GTF3C4: variants seen among roughly 807,000 people sequenced by gnomAD.
The protein encoded by GTF3C4 is general transcription factor 3C polypeptide 4.
A neutral mutation model predicts 67.5 loss-of-function variants in GTF3C4; 28 were observed. The observed-to-expected ratio is 0.41, with a 90% CI of 0.31 to 0.57. The LOEUF (loss-of-function observed/expected upper bound fraction) is 0.57. Ranked by LOEUF, GTF3C4 falls within the 20% of genes least tolerant of loss-of-function variation. GTF3C4 has a pLI of 0.21. For synonymous variants in GTF3C4, 409 were observed against 393.0 expected (o/e 1.04, Z -0.48); for missense variants, 831 against 1,033.2 (o/e 0.80, Z 2.68).
rs1590135320 is a variant in GTF3C4 at position 132,679,644 on chromosome 9, A to G, written c.2025A>G (p.Lys675=). The change falls in exon 2 of 5, where the codon AAA becomes AAG. Residue 675 remains lysine, a synonymous_variant. Coordinates refer to ENST00000372146, the MANE Select transcript of GTF3C4 (RefSeq NM_012204.4). This position sits in a 1 kb window ranked among gnomAD's most constrained non-coding sequence, Gnocchi z 5.9. ...MEEKLLEIQG[K]IEAVEMHLTR... is the part of the protein sequence containing the mutation. ...AGAAACTCCTGGAAATCCAAGGGAAAATCGAAGCTGTGGAGATGCACTTGA... is the reference window on the plus strand; with the variant it reads ...AGAAACTCCTGGAAATCCAAGGGAAGATCGAAGCTGTGGAGATGCACTTGA... 1 of 1,614,176 alleles carries G rather than the reference A, an allele frequency of 6.2e-7. No homozygotes were observed.
chr9:132,681,966 T>TAAAAAAAAAAAAAA (rs56402111), intron 2 of GTF3C4, among the ~76,000 whole-genome samples: 1 of 114,752 alleles, frequency 8.7e-6, no homozygotes, highest in Non-Finnish European at 1.7e-5. Context: ...CTACATAAAG[T>TAAAAAAAAAAAAAA]AAAAAAAAAA....
At chr9:132,685,998 A>C (rs1836021294) in intron 3 of GTF3C4, among the ~76,000 whole-genome samples, 1 of 152,270 alleles carries the variant, frequency 6.6e-6, no homozygotes, top group South Asian at 2.1e-4. Flanking sequence ...ACAAATGTTC[A>C]CAGGTTCAAT....
At chr9:132,673,907 T>C (rs1835828310) in intron 1 of GTF3C4, among the ~76,000 whole-genome samples, 1 of 152,234 alleles carries the variant, frequency 6.6e-6, no homozygotes, top group African/African-American at 2.4e-5. Context: ...AGAATTGTTT[T>C]TCCCATTGGA....
chr9:132,683,613 G>T lies in GTF3C4; in HGVS notation c.2235G>T (p.Glu745Asp). Residue 745 changes from glutamate (E) to aspartate (D), a missense_variant, in exon 3 of 5, where the codon GAG becomes GAT. Glu to Asp is a conservative substitution (Grantham distance 45). This residue lies in a region of GTF3C4 where 129 missense variants were observed against 213.8 expected (regional missense o/e 0.60). Transcript: ENST00000372146. ...SKKMNKQTFP[E>D]HCSLCKEILP... Reference sequence around the variant, plus strand: ...AGATGAACAAACAGACTTTCCCTGAGCACTGTAGTTTGTGTAAAGAGATCT... The same window carrying T: ...AGATGAACAAACAGACTTTCCCTGATCACTGTAGTTTGTGTAAAGAGATCT... The T allele has an allele frequency of 6.2e-7, 1 of 1,613,302 alleles. No individual in the cohort carries two copies. Among genetic ancestry groups the T allele is most frequent in the Non-Finnish European group, 8.5e-7 (1 of 1,179,624 alleles).
rs1266744744 is a variant in GTF3C4, at chr9:132,670,710, G to T, written c.112G>T (p.Asp38Tyr). 1.3e-6 allele frequency: 2 copies of T among 1,525,526 alleles called. No homozygotes were observed. The highest frequency in any genetic ancestry group is 5.0e-5 in the East Asian group (2 of 39,914). 94.5% of individuals were successfully genotyped at this position (1,525,526 alleles called of 1,614,324 possible). A position where few individuals can be genotyped will look rare whatever the true frequency, so the allele number is the denominator to read the frequency against. Residue 38 changes from aspartate to tyrosine, a missense_variant, in exon 1 of 5, where the codon GAC becomes TAC. Asp to Tyr is a radical substitution (Grantham distance 160, BLOSUM62 -3). This residue lies in a region of GTF3C4 where 237 missense variants were observed against 212.7 expected (regional missense o/e 1.11). Coordinates refer to ENST00000372146, the MANE Select transcript of GTF3C4 (RefSeq NM_012204.4). ...GGCGGGCGGGAAGGAGCCAGCAGCG[G>T]ACGCGGCCCCGGGGCCCAGCGCTGC... is the stretch of plus-strand genomic sequence containing the variant. ...GEAGGKEPAA[D>Y]AAPGPSAAFR... is the part of the protein sequence containing the mutation.
rs879608624 is a variant in GTF3C4, at chr9:132,689,220, CTTATTT to C, written c.*279_*284del. The C allele has an allele frequency of 1.9e-5, 8 of 412,508 alleles. No individual in the cohort carries two copies. The highest frequency in any genetic ancestry group is 4.3e-5 in the East Asian group (1 of 23,048). 25.6% of individuals were successfully genotyped at this position (412,508 alleles called of 1,614,324 possible). ...CTTTGTAACCAATGAGGAACACTTACTTATTTTTAAGTATCTTGACAGAAGCAATTT... is the reference window on the plus strand; with the variant it reads ...CTTTGTAACCAATGAGGAACACTTACTTAAGTATCTTGACAGAAGCAATTT... On this transcript the variant is annotated 3_prime_UTR_variant, in exon 5 of 5. Coordinates refer to ENST00000372146, the MANE Select transcript of GTF3C4 (RefSeq NM_012204.4).
At position 132,679,475 on chromosome 9, in the gene GTF3C4, A is replaced by G; in HGVS notation, c.1856A>G (p.Asp619Gly). ...TCGCCTGGGATGGGCAATGCTGACG[A>G]TGAACAGCAGGAAGAAGGCACTTCT... ...VDSPGMGNAD[D>G]EQQEEGTSSK... The change falls in exon 2 of 5, where the codon GAT becomes GGT. Residue 619 changes from aspartate (D) to glycine (G), a missense_variant. Physicochemically the swap from Asp to Gly is moderately conservative, Grantham distance 94. Coordinates refer to ENST00000372146, the MANE Select transcript of GTF3C4 (RefSeq NM_012204.4). The surrounding 1 kb of genome is among the most constrained non-coding windows in gnomAD (Gnocchi z 5.9). The G allele has an allele frequency of 6.2e-7, 1 of 1,614,134 alleles. No homozygotes were observed. Among genetic ancestry groups the G allele is most frequent in the Non-Finnish European group, 8.5e-7 (1 of 1,180,020 alleles).
upstream of GTF3C4, chr9:132,670,365 A>AG: frequency 7.6e-7 from 1 of 1,312,318 alleles, no homozygotes; most frequent in East Asian, 2.9e-5. Flanking sequence ...GGCAGGGAAA[A>AG]GGGGGTCCTC....
intron 2 of GTF3C4, among the ~76,000 whole-genome samples, chr9:132,680,709 G>T (rs1835928152): frequency 6.6e-6 from 1 of 152,240 alleles, no homozygotes; most frequent in Admixed American, 6.5e-5. Context: ...GAATGTGTAT[G>T]TTTGTGTACA....
intron 1 of GTF3C4, among the ~76,000 whole-genome samples, chr9:132,673,353 C>G (rs1487138393): frequency 6.6e-6 from 1 of 151,998 alleles, no homozygotes; most frequent in Admixed American, 6.5e-5. Context: ...TTATATAGCT[C>G]TCTTATAGTT....
rs973631079 is a variant in GTF3C4, at chr9:132,689,189, C to G, written c.*244C>G. The G allele has an allele frequency of 6.0e-6, 3 of 499,598 alleles. No individual in the cohort carries two copies. The highest frequency in any genetic ancestry group is 5.8e-5 in the African/African-American group (3 of 51,968). 30.9% of individuals were successfully genotyped at this position (499,598 alleles called of 1,614,324 possible). On this transcript the variant is annotated 3_prime_UTR_variant, in exon 5 of 5. Coordinates refer to ENST00000372146, the MANE Select transcript of GTF3C4 (RefSeq NM_012204.4). ...GGAGTCGTTTTGAGATGAGCATTAG[C>G]CCCAGCTTTGTAACCAATGAGGAAC...
intron 1 of GTF3C4, 62 bp downstream of exon 1, chr9:132,671,017 C>G (rs190516388): frequency 2.6e-6 from 3 of 1,153,130 alleles, no homozygotes; most frequent in Non-Finnish European, 2.6e-6. Context: ...CCGCATCATC[C>G]GTCCCAGGGG....
At chr9:132,684,183 G>T (rs1210059653) in intron 3 of GTF3C4, among the ~76,000 whole-genome samples, 4 of 152,094 alleles carry the variant, frequency 2.6e-5, no homozygotes, top group Admixed American at 2.0e-4. Flanking sequence ...TCTTCTCTCA[G>T]CACTTTCCCT....
At chr9:132,672,299 G>A (rs1312730518) in intron 1 of GTF3C4, among the ~76,000 whole-genome samples, 1 of 152,188 alleles carries the variant, frequency 6.6e-6, no homozygotes, top group Admixed American at 6.5e-5. Context: ...CAGTATAGTA[G>A]ACATCGAATA....
At chr9:132,681,810 A>G (rs1398229366) in intron 2 of GTF3C4, among the ~76,000 whole-genome samples, 2 of 152,078 alleles carry the variant, frequency 1.3e-5, no homozygotes, top group East Asian at 1.9e-4. Flanking sequence ...ACAAATAGCA[A>G]TCCTTCCTTA....
At chr9:132,687,174 C>T (rs1172847102) in intron 3 of GTF3C4, 65 bp from the exon 4 acceptor site, 2 of 858,690 alleles carry the variant, frequency 2.3e-6, no homozygotes, top group African/African-American at 1.6e-5. Flanking sequence ...GATGGAGAAA[C>T]ATCAGTTTCT....
chr9:132,674,111 A>G lies in GTF3C4; in HGVS notation c.357+3156A>G, dbSNP rs868820930. On this transcript the variant is annotated intron_variant, in intron 1 of 4. Transcript: ENST00000372146. ...CCTGTCCTCAAGAAGCTTACTGTCT[A>G]AAAGCTTCAAGTGAATTTTTGTCAG... is the stretch of plus-strand genomic sequence containing the variant. 3.9e-5 allele frequency among the ~76,000 whole-genome samples: 6 copies of G among 152,236 alleles called. No individual in the cohort carries two copies. In the South Asian group the frequency reaches 1.0e-3, roughly 26 times the overall value.
intron 3 of GTF3C4, among the ~76,000 whole-genome samples, chr9:132,684,919 A>G (rs1448101020): frequency 1.3e-5 from 2 of 152,082 alleles, no homozygotes; most frequent in Middle Eastern, 3.2e-3. Flanking sequence ...TCCTTCCTCT[A>G]GAATGGAAAG....
At position 132,681,966 on chromosome 9, in the gene GTF3C4, TAAA is replaced by T. The variant is rs56402111; in HGVS notation, c.2185-1575_2185-1573del. ...GGTGAGACCCTGTCTCTACATAAAG[TAAA>T]AAAAAAAAAAAAAAAAAAAAATTAT... is the stretch of plus-strand genomic sequence containing the variant. On this transcript the variant is annotated intron_variant, in intron 2 of 4. Coordinates refer to ENST00000372146, the MANE Select transcript of GTF3C4 (RefSeq NM_012204.4). Among the ~76,000 whole-genome samples the T allele has an allele frequency of 6.0e-3, 687 of 114,722 alleles. 7 individuals carry two copies. The highest frequency in any genetic ancestry group is 0.017 in the African/African-American group (500 of 28,680). 75.3% of individuals were successfully genotyped at this position (114,722 alleles called of 152,430 possible). A position where few individuals can be genotyped will look rare whatever the true frequency, so the allele number is the denominator to read the frequency against.
Sources: gnomAD v4.1 joint callset for allele counts (sites outside exome capture counted in the v4.1 genomes callset) on GRCh38, gnomAD v4.1.1 for gene constraint, gnomAD v4.1.1 regional missense constraint, Gnocchi (gnomAD v3.1) non-coding constraint, MANE v1.5 for transcripts, NCBI Gene and HGNC (gene_info 2026-07-23, HGNC 2026-07-21) for gene names.